The following PIGL variants were observed in gnomAD, a reference collection of about 807,000 sequenced individuals.
The protein encoded by PIGL is phosphatidylinositol glycan anchor biosynthesis class L, also known as N-acetylglucosaminyl-phosphatidylinositol de-N-acetylase.
Under a neutral mutation model 31.1 loss-of-function variants are expected in PIGL, and 22 were observed. That is an observed-to-expected ratio of 0.71 (90% CI 0.51 to 1.01). The LOEUF is 1.01. Ranked by LOEUF, PIGL falls within the 50% of genes least tolerant of loss-of-function variation. PIGL has a pLI of 0.00. For synonymous variants in PIGL, 131 were observed against 117.4 expected (o/e 1.12, Z -0.75); for missense variants, 302 against 315.9 (o/e 0.96, Z 0.33).
intron 1 of PIGL, among the ~76,000 whole-genome samples, chr17:16,219,653 C>T (rs950136752): frequency 2.0e-5 from 3 of 152,096 alleles, no homozygotes; most frequent in Non-Finnish European, 4.4e-5. Flanking sequence ...CTGCAACCTA[C>T]GCCTCCTGAG....
chr17:16,302,374 C>T (rs1478813129), intron 3 of PIGL, among the ~76,000 whole-genome samples: 1 of 152,104 alleles, frequency 6.6e-6, no homozygotes, highest in Non-Finnish European at 1.5e-5. Flanking sequence ...TACTCCTCCT[C>T]TTCAGCCCAC....
chr17:16,255,840 C>T (rs1261729253), intron 2 of PIGL, among the ~76,000 whole-genome samples: 1 of 152,142 alleles, frequency 6.6e-6, no homozygotes, highest in Non-Finnish European at 1.5e-5. Context: ...TCTGGTTCTC[C>T]CAAAGGGTGC....
At chr17:16,271,777 G>A (rs1283614770) in intron 2 of PIGL, among the ~76,000 whole-genome samples, 4 of 152,140 alleles carry the variant, frequency 2.6e-5, no homozygotes, top group African/African-American at 7.2e-5. Context: ...TGGTCTGCCC[G>A]CCTCAGCCTC....
intron 1 of PIGL, chr17:16,217,672 G>A: frequency 3.6e-6 from 2 of 558,158 alleles, no homozygotes; most frequent in Non-Finnish European, 6.4e-6. Flanking sequence ...TACTACGCCA[G>A]CAGGATTGAG....
intron 2 of PIGL, among the ~76,000 whole-genome samples, chr17:16,255,801 A>C (rs2092791432): frequency 1.3e-5 from 2 of 152,264 alleles, no homozygotes; most frequent in South Asian, 4.1e-4. Flanking sequence ...GCACAGTTCC[A>C]GTCCCTGTTG....
intron 2 of PIGL, among the ~76,000 whole-genome samples, chr17:16,288,764 C>A (rs2092948553): frequency 6.6e-6 from 1 of 152,022 alleles, no homozygotes; most frequent in East Asian, 1.9e-4. Context: ...GCCTCAAACT[C>A]CTGACCTCAG....
In PIGL at chr17:16,234,063, G is replaced by T; in HGVS notation, c.328G>T (p.Asp110Tyr). Residue 110 changes from aspartate to tyrosine, a missense_variant, in exon 2 of 7, where the codon GAC (aspartate) becomes TAC (tyrosine). Asp to Tyr is a radical substitution (Grantham distance 160). Transcript: ENST00000225609. ...GIPLSSVMIIDNRDFPDDPGM... is the reference protein window; with the variant it reads ...GIPLSSVMIIYNRDFPDDPGM... ...TCCACTCTCCAGTGTAATGATTATTGACAACAGGTAATATATCTTTTAACA... is the reference window on the plus strand; with the variant it reads ...TCCACTCTCCAGTGTAATGATTATTTACAACAGGTAATATATCTTTTAACA... 1 of 1,538,294 alleles carries T rather than the reference G, an allele frequency of 6.5e-7. No individual in the cohort carries two copies. The highest frequency in any genetic ancestry group is 1.1e-5 in the South Asian group (1 of 89,372).
At position 16,325,332 on chromosome 17, in the gene PIGL, CAAAAAAAAAAAA is replaced by C. The variant is rs55958956; in HGVS notation, c.661-455_661-444del. ...TGCACTCCAGCCTGGGCAACAGGCTCAAAAAAAAAAAAAAAAAAAAAAAAGAATGTGGACTCT... is the reference window on the plus strand; with the variant it reads ...TGCACTCCAGCCTGGGCAACAGGCTCAAAAAAAAAAAAGAATGTGGACTCT... On this transcript the variant is annotated intron_variant, in intron 6 of 6. Coordinates refer to ENST00000225609, the MANE Select transcript of PIGL (RefSeq NM_004278.4). 1.4e-4 allele frequency among the ~76,000 whole-genome samples: 10 copies of C among 69,272 alleles called. No individual in the cohort carries two copies. In the East Asian group the frequency reaches 2.1e-3, roughly 14 times the overall value. The allele number at this position is 69,272 out of a possible 152,430, so 45.4% of individuals were successfully genotyped here.
chr17:16,228,210 A>G (rs1165442354), intron 1 of PIGL, among the ~76,000 whole-genome samples: 2 of 150,854 alleles, frequency 1.3e-5, no homozygotes, highest in African/African-American at 4.9e-5. Flanking sequence ...CACCACCACC[A>G]TGCCCGGCTA....
At chr17:16,242,689 G>A (rs1482161800) in intron 2 of PIGL, among the ~76,000 whole-genome samples, 1 of 103,624 alleles carries the variant, frequency 9.7e-6, no homozygotes, top group African/African-American at 3.8e-5. Context: ...AGTCTCGCTT[G>A]TAACACAATC....
intron 2 of PIGL, among the ~76,000 whole-genome samples, chr17:16,269,713 A>T (rs1157619961): frequency 6.6e-6 from 1 of 151,652 alleles, no homozygotes; most frequent in Non-Finnish European, 1.5e-5. Context: ...CCTAGGCTCC[A>T]CTGTACTCTG....
At chr17:16,266,762 A>AT (rs978192297) in intron 2 of PIGL, among the ~76,000 whole-genome samples, 2 of 151,238 alleles carry the variant, frequency 1.3e-5, no homozygotes, top group South Asian at 2.1e-4. Flanking sequence ...TGCCCAGCTA[A>AT]TTTTTTTTGT....
In PIGL at chr17:16,316,686, T is replaced by G; in HGVS notation, c.500T>G (p.Leu167Arg). 6.2e-7 allele frequency: 1 copy of G among 1,605,306 alleles called. No individual in the cohort carries two copies. The highest frequency in any genetic ancestry group is 2.2e-5 in the East Asian group (1 of 44,632). ...HIALYAAVRA[L>R]HSEGKLPKGC... ...TTGTCCTATCCCTCCTCCAGGGCCCTGCACTCAGAAGGGAAGTTACCTAAA... is the reference window on the plus strand; with the variant it reads ...TTGTCCTATCCCTCCTCCAGGGCCCGGCACTCAGAAGGGAAGTTACCTAAA... Residue 167 changes from leucine (L) to arginine (R), a missense_variant, in exon 5 of 7, where the codon CTG becomes CGG. Leu to Arg is a moderately radical substitution (Grantham distance 102). Coordinates refer to ENST00000225609, the MANE Select transcript of PIGL (RefSeq NM_004278.4).
At chr17:16,270,916 A>G (rs1050978666) in intron 2 of PIGL, among the ~76,000 whole-genome samples, 7 of 151,764 alleles carry the variant, frequency 4.6e-5, no homozygotes, top group African/African-American at 7.3e-5. Flanking sequence ...GAAAAGGAAA[A>G]GTAGTCATGA....
chr17:16,278,344 C>T (rs1299379400), intron 2 of PIGL, among the ~76,000 whole-genome samples: 1 of 152,070 alleles, frequency 6.6e-6, no homozygotes, highest in African/African-American at 2.4e-5. Context: ...CTGCCTTGGC[C>T]TCCCAAAGTG....
chr17:16,245,181 C>T (rs2092739295), intron 2 of PIGL, among the ~76,000 whole-genome samples: 1 of 151,998 alleles, frequency 6.6e-6, no homozygotes, highest in Admixed American at 6.6e-5. Flanking sequence ...TTAGTAGAGA[C>T]GAGGTTTCAC....
At chr17:16,298,798 T>C (rs2092992728) in intron 2 of PIGL, among the ~76,000 whole-genome samples, 1 of 151,948 alleles carries the variant, frequency 6.6e-6, no homozygotes, top group Non-Finnish European at 1.5e-5. Flanking sequence ...GAGGCTGAGG[T>C]GGGCAGATCA....
At chr17:16,266,280 G>T (rs1027015521) in intron 2 of PIGL, among the ~76,000 whole-genome samples, 2 of 151,364 alleles carry the variant, frequency 1.3e-5, no homozygotes, top group Middle Eastern at 3.4e-3. Flanking sequence ...CCTGCATGAT[G>T]GGGGAGGCTA....
At chr17:16,260,632 C>A (rs545617460) in intron 2 of PIGL, among the ~76,000 whole-genome samples, 1 of 152,198 alleles carries the variant, frequency 6.6e-6, no homozygotes, top group Non-Finnish European at 1.5e-5. Context: ...CTGCAGGTCT[C>A]TTCTCCTCTG....
Sources: gnomAD v4.1 joint callset for allele counts (sites outside exome capture counted in the v4.1 genomes callset) on GRCh38, gnomAD v4.1.1 for gene constraint, MANE v1.5 for transcripts, NCBI Gene and HGNC (gene_info 2026-07-23, HGNC 2026-07-21) for gene names.